ANO2: variants seen among roughly 807,000 people sequenced by gnomAD.
ANO2 encodes anoctamin-2.
Under a neutral mutation model 124.2 loss-of-function variants are expected in ANO2, and 101 were observed. The ratio of observed to expected loss-of-function variants is 0.81; its 90% CI spans 0.69 to 0.96. ANO2 has a LOEUF of 0.96. ANO2 is among the 40% of genes least tolerant of loss of function. The pLI, the probability that ANO2 is intolerant of heterozygous loss-of-function variation, is 0.00. For synonymous variants in ANO2, 486 were observed against 482.5 expected (o/e 1.01, Z -0.09); for missense variants, 1,293 against 1,274.5 (o/e 1.01, Z -0.22).
At chr12:5,592,862 C>T (rs555781927) in intron 20 of ANO2, among the ~76,000 whole-genome samples, 1 of 152,316 alleles carries the variant, frequency 6.6e-6, no homozygotes, top group African/African-American at 2.4e-5. Flanking sequence ...TAAGAGTCCA[C>T]AGGCGTTCCT....
chr12:5,848,866 C>T (rs1464791116), intron 4 of ANO2, among the ~76,000 whole-genome samples: 3 of 152,194 alleles, frequency 2.0e-5, no homozygotes, highest in Non-Finnish European at 4.4e-5. Flanking sequence ...GTACCAATTG[C>T]GCTGCCTGCA....
chr12:5,604,461 G>A (rs1282048969), intron 19 of ANO2, among the ~76,000 whole-genome samples: 1 of 152,206 alleles, frequency 6.6e-6, no homozygotes, highest in Non-Finnish European at 1.5e-5. Flanking sequence ...CTAGGAATGA[G>A]CAATGCCAAC....
At chr12:5,617,900 T>C (rs1452528845) in intron 16 of ANO2, among the ~76,000 whole-genome samples, 2 of 152,186 alleles carry the variant, frequency 1.3e-5, no homozygotes, top group East Asian at 3.9e-4. Context: ...AAATTGACAA[T>C]AGTCATTATC....
rs1241516754 is a variant in ANO2, at chr12:5,563,163, C to T, written c.*136G>A. On this transcript the variant is annotated 3_prime_UTR_variant, in exon 25 of 25. Coordinates refer to ENST00000682330, the MANE Select transcript of ANO2 (RefSeq NM_001364791.2). The stretch of plus-strand genomic sequence containing the variant: ...CATTCTGTCAGGCTCTTTCTTTTTA[C>T]ACACTGCCCCCTCTTCAAGACCCCA... 3.7e-5 allele frequency: 44 copies of T among 1,174,212 alleles called. No homozygotes were observed. Among genetic ancestry groups the T allele is most frequent in the Non-Finnish European group, 4.8e-5 (41 of 861,018 alleles). The allele number at this position is 1,174,212 out of a possible 1,614,324, so 72.7% of individuals were successfully genotyped here.
At chr12:5,884,755 C>G (rs1311681785) in intron 3 of ANO2, among the ~76,000 whole-genome samples, 1 of 152,186 alleles carries the variant, frequency 6.6e-6, no homozygotes, top group Non-Finnish European at 1.5e-5. Context: ...TCTAGACCAT[C>G]TGAACAGAAA....
At chr12:5,731,355 G>GC in intron 14 of ANO2, among the ~76,000 whole-genome samples, 1 of 142,418 alleles carries the variant, frequency 7.0e-6, no homozygotes, top group East Asian at 2.0e-4. Context: ...TTTAAGTTCT[G>GC]TTTTCTTAAA....
chr12:5,831,242 T>C (rs564135043), intron 5 of ANO2, among the ~76,000 whole-genome samples: 1 of 152,254 alleles, frequency 6.6e-6, no homozygotes, highest in East Asian at 1.9e-4. Context: ...GAGTAGAACA[T>C]AGTAACATGC....
chr12:5,655,251 T>C (rs1476387998), intron 14 of ANO2, among the ~76,000 whole-genome samples: 1 of 152,226 alleles, frequency 6.6e-6, no homozygotes, highest in Non-Finnish European at 1.5e-5. Flanking sequence ...TGGAGAGATG[T>C]CCCTCCCTCT....
chr12:5,612,022 G>A (rs1944568699), intron 19 of ANO2, among the ~76,000 whole-genome samples: 1 of 152,080 alleles, frequency 6.6e-6, no homozygotes, highest in South Asian at 2.1e-4. Context: ...AAGCAGAGGG[G>A]GTTACATTTT....
At chr12:5,651,073 T>C (rs1028716880) in intron 14 of ANO2, among the ~76,000 whole-genome samples, 16 of 152,244 alleles carry the variant, frequency 1.1e-4, no homozygotes, top group Non-Finnish European at 1.2e-4. Context: ...GGAAGGCTCA[T>C]AAAAGTAAGG....
At chr12:5,870,678 C>T (rs556296938) in intron 3 of ANO2, among the ~76,000 whole-genome samples, 1 of 152,352 alleles carries the variant, frequency 6.6e-6, no homozygotes, top group South Asian at 2.1e-4. Context: ...TTCTTGTCTT[C>T]TTTCCTTAAA....
At chr12:5,843,814 T>C (rs1340429002) in intron 4 of ANO2, among the ~76,000 whole-genome samples, 4 of 152,154 alleles carry the variant, frequency 2.6e-5, no homozygotes, top group Admixed American at 2.0e-4. Context: ...AGAGGAAGCA[T>C]CAATGGGTTA....
intron 1 of ANO2, 86 bp downstream of exon 1, chr12:5,945,110 G>A (rs1366928880): frequency 1.7e-6 from 2 of 1,211,868 alleles, no homozygotes; most frequent in Non-Finnish European, 2.2e-6. Flanking sequence ...CAATCCCGAA[G>A]GGTGGGAGTT....
intron 14 of ANO2, among the ~76,000 whole-genome samples, chr12:5,693,906 C>G (rs1277661342): frequency 1.3e-5 from 2 of 152,198 alleles, no homozygotes; most frequent in Non-Finnish European, 2.9e-5. Context: ...CTACCAGCCT[C>G]TTCACTTTCT....
chr12:5,909,744 T>A (rs932076812), intron 3 of ANO2, among the ~76,000 whole-genome samples: 1 of 152,196 alleles, frequency 6.6e-6, no homozygotes, highest in Non-Finnish European at 1.5e-5. Context: ...CTCTGGGCAG[T>A]GCGTGCCCAG....
At chr12:5,724,819 C>A (rs1029681138) in intron 14 of ANO2, among the ~76,000 whole-genome samples, 1 of 152,064 alleles carries the variant, frequency 6.6e-6, no homozygotes, top group African/African-American at 2.4e-5. Flanking sequence ...CCGGGGCCTG[C>A]GCACTGGCTA....
intron 18 of ANO2, 21 bp from the exon 19 acceptor site, chr12:5,612,777 A>G (rs780464139): frequency 2.0e-5 from 33 of 1,612,916 alleles, no homozygotes; most frequent in Non-Finnish European, 2.6e-5. Context: ...AAGATAAGGA[A>G]AGGACCGGTT....
chr12:5,644,918 T>A (rs1946552975), intron 15 of ANO2, among the ~76,000 whole-genome samples: 1 of 152,224 alleles, frequency 6.6e-6, no homozygotes, highest in Middle Eastern at 3.2e-3. Context: ...CTATAAAATA[T>A]CAGTTGTAAG....
intron 3 of ANO2, among the ~76,000 whole-genome samples, chr12:5,912,439 T>TG (rs1229600091): frequency 6.6e-6 from 1 of 151,594 alleles, no homozygotes; most frequent in Non-Finnish European, 1.5e-5. Context: ...GAGGTTGGGG[T>TG]GGGGGGAGGC....
Sources: allele counts gnomAD v4.1 joint callset (sites outside exome capture counted in the v4.1 genomes callset), GRCh38; gene constraint gnomAD v4.1.1; transcripts MANE v1.5; gene names NCBI Gene and HGNC (gene_info 2026-07-23, HGNC 2026-07-21).